KIRREL1: variants seen among roughly 807,000 people sequenced by gnomAD.
KIRREL1 encodes kirre like nephrin family adhesion molecule 1.
A neutral mutation model predicts 83.3 loss-of-function variants in KIRREL1; 25 were observed. The observed-to-expected ratio is 0.30, with a 90% CI of 0.22 to 0.42. The LOEUF (loss-of-function observed/expected upper bound fraction) is 0.42, where lower values mean the gene tolerates loss of function less well. Among genes scored for constraint, KIRREL1 ranks in the 10% least tolerant of loss-of-function variants. The pLI is 1.00. For missense variants in KIRREL1, 812 were observed against 1,032.3 expected (o/e 0.79, Z 2.92); for synonymous variants, 388 against 410.4 (o/e 0.95, Z 0.66).
chr1:158,038,266 G>A (rs6688137), intron 1 of KIRREL1, among the ~76,000 whole-genome samples: 7,034 of 152,196 alleles, frequency 0.046, 488 homozygotes, highest in African/African-American at 0.15. Context: ...TCTGTGCCCC[G>A]CACTGCTCTG....
chr1:158,073,981 C>T (rs1661596864), intron 1 of KIRREL1, among the ~76,000 whole-genome samples: 1 of 152,216 alleles, frequency 6.6e-6, no homozygotes, highest in Non-Finnish European at 1.5e-5. Context: ...ACTTGGGCTC[C>T]AGGGGCCATG....
chr1:158,050,721 T>A (rs1376625179), intron 1 of KIRREL1, among the ~76,000 whole-genome samples: 1 of 152,062 alleles, frequency 6.6e-6, no homozygotes, highest in African/African-American at 2.4e-5. Flanking sequence ...GTTATCCTTC[T>A]GGCTTTACTA....
chr1:158,046,554 G>A (rs1660782175), intron 1 of KIRREL1, among the ~76,000 whole-genome samples: 1 of 152,036 alleles, frequency 6.6e-6, no homozygotes, highest in Non-Finnish European at 1.5e-5. Context: ...ATTTAACAAG[G>A]GAGCGAACCA....
At chr1:157,994,423 G>C (rs1376078422) in intron 1 of KIRREL1, among the ~76,000 whole-genome samples, 3 of 151,386 alleles carry the variant, frequency 2.0e-5, no homozygotes, top group Non-Finnish European at 3.0e-5. Flanking sequence ...CAGAGGCGGT[G>C]GGGGGAGGGG....
At chr1:157,996,295 G>A (rs929928668) in intron 1 of KIRREL1, among the ~76,000 whole-genome samples, 8 of 151,920 alleles carry the variant, frequency 5.3e-5, no homozygotes, top group East Asian at 3.9e-4. Flanking sequence ...ATCATGCGCC[G>A]GCTCCACAGA....
intron 1 of KIRREL1, among the ~76,000 whole-genome samples, chr1:158,001,654 G>T (rs1451274541): frequency 3.9e-5 from 6 of 152,168 alleles, no homozygotes; most frequent in African/African-American, 1.4e-4. Context: ...GGACATGGAT[G>T]TGGCAGGAAG....
intron 1 of KIRREL1, 118 bp downstream of exon 1, chr1:157,993,846 C>A (rs1659113898): frequency 5.3e-6 from 3 of 562,688 alleles, no homozygotes; most frequent in Non-Finnish European, 5.8e-6. Context: ...CGGGTCCGGA[C>A]GCCACGAGGC....
intron 1 of KIRREL1, chr1:158,031,192 G>A (rs972921768): frequency 6.6e-6 from 1 of 152,130 alleles, no homozygotes; most frequent in South Asian, 2.1e-4. Context: ...CAGGTCCCCC[G>A]AACGAAAAGG....
At chr1:158,039,006 C>A (rs560977814) in intron 1 of KIRREL1, among the ~76,000 whole-genome samples, 104 of 152,320 alleles carry the variant, frequency 6.8e-4, no homozygotes, top group Middle Eastern at 3.4e-3. Context: ...AGGCAGTAAG[C>A]CCTGCAGCCC....
At chr1:158,093,541 G>A (rs1662262087) in intron 12 of KIRREL1, 82 bp from the exon 13 acceptor site, 1 of 1,605,706 alleles carries the variant, frequency 6.2e-7, no homozygotes, top group Admixed American at 1.7e-5. Flanking sequence ...TGGCCCTTGA[G>A]CTCCAGCCCA....
At chr1:158,010,396 TACAC>T (rs56077512) in intron 1 of KIRREL1, among the ~76,000 whole-genome samples, 3,105 of 44,386 alleles carry the variant, frequency 0.07, 60 homozygotes, top group Middle Eastern at 0.11. Context: ...CACACATGCA[TACAC>T]ACACACACAC....
chr1:158,066,914 C>G (rs901745320), intron 1 of KIRREL1, among the ~76,000 whole-genome samples: 4 of 152,218 alleles, frequency 2.6e-5, no homozygotes, highest in Admixed American at 2.6e-4. Context: ...TTCAGCAGAA[C>G]CATCCATCAG....
chr1:158,039,016 C>T (rs182974882), intron 1 of KIRREL1, among the ~76,000 whole-genome samples: 74 of 152,260 alleles, frequency 4.9e-4, no homozygotes, highest in African/African-American at 1.4e-3. Context: ...CCCTGCAGCC[C>T]GAGAGGGTTC....
chr1:158,054,688 A>G (rs1176421080), intron 1 of KIRREL1, among the ~76,000 whole-genome samples: 1 of 152,190 alleles, frequency 6.6e-6, no homozygotes, highest in African/African-American at 2.4e-5. Flanking sequence ...GTTCAGATCC[A>G]GTTCTGATTT....
chr1:158,077,360 G>A (rs1661708790), intron 2 of KIRREL1, among the ~76,000 whole-genome samples: 1 of 152,206 alleles, frequency 6.6e-6, no homozygotes. Flanking sequence ...GACAGAGGGA[G>A]ATCATGGGAA....
intron 1 of KIRREL1, among the ~76,000 whole-genome samples, chr1:158,053,121 G>A (rs114159347): frequency 0.017 from 2,515 of 152,254 alleles, 40 homozygotes; most frequent in Middle Eastern, 0.034. Flanking sequence ...ATTTGGAGGG[G>A]ACAAACTTCC....
chr1:158,052,793 A>G (rs1012940535), intron 1 of KIRREL1, among the ~76,000 whole-genome samples: 3 of 152,126 alleles, frequency 2.0e-5, no homozygotes, highest in Non-Finnish European at 2.9e-5. Context: ...TTCAAAAAAA[A>G]AGAGAGAGAG....
chr1:158,088,305 G>A (rs1168295303), intron 7 of KIRREL1, 22 bp from the exon 8 acceptor site: 1 of 1,602,898 alleles, frequency 6.2e-7, no homozygotes, highest in African/African-American at 1.3e-5. Context: ...ACCCTAACGA[G>A]TGGCTTCTTT....
rs1398664345 is a variant in KIRREL1, at chr1:158,095,266, A to G, written c.*146A>G. The stretch of plus-strand genomic sequence containing the variant: ...ATGGCAGGTGGGGAGCAGGTCTCCC[A>G]GAAACACCCCGTCCCGAGGATGGTG... On this transcript the variant is annotated 3_prime_UTR_variant, in exon 15 of 15. Coordinates refer to ENST00000359209, the MANE Select transcript of KIRREL1 (RefSeq NM_018240.7). 3.1e-6 allele frequency: 2 copies of G among 641,880 alleles called. No homozygotes were observed. Among genetic ancestry groups the G allele is most frequent in the East Asian group, 2.8e-5 (1 of 36,242 alleles). The allele number at this position is 641,880 out of a possible 1,614,324, so 39.8% of individuals were successfully genotyped here.
Sources: allele counts gnomAD v4.1 joint callset (sites outside exome capture counted in the v4.1 genomes callset), GRCh38; gene constraint gnomAD v4.1.1; transcripts MANE v1.5; gene names NCBI Gene and HGNC (gene_info 2026-07-23, HGNC 2026-07-21).